Variants in NCKAP5 observed in about 807,000 individuals in gnomAD.
NCKAP5 encodes nck-associated protein 5.
NCKAP5 carries 92 observed loss-of-function variants against 167.0 expected under a neutral mutation model. The observed-to-expected ratio is 0.55, with a 90% CI of 0.47 to 0.66. NCKAP5 has a LOEUF of 0.66. Ranked by LOEUF, NCKAP5 falls within the 30% of genes least tolerant of loss-of-function variation. The pLI, the probability that NCKAP5 is intolerant of heterozygous loss-of-function variation, is 0.00. For synonymous variants in NCKAP5, 891 were observed against 877.4 expected, an observed-to-expected ratio of 1.02 and a Z score of -0.27; for missense variants, 2,378 against 2,315.0, an observed-to-expected ratio of 1.03 and a Z score of -0.56.
chr2:133,525,866 G>A (rs559466013), intron 2 of NCKAP5, among the ~76,000 whole-genome samples: 1 of 151,966 alleles, frequency 6.6e-6, no homozygotes, highest in Non-Finnish European at 1.5e-5. Flanking sequence ...TTCTCCAACT[G>A]CCACTTACAA....
intron 5 of NCKAP5, among the ~76,000 whole-genome samples, chr2:133,189,478 C>T (rs1559244424): frequency 6.6e-6 from 1 of 151,838 alleles, no homozygotes; most frequent in Non-Finnish European, 1.5e-5. Flanking sequence ...AGAGACACAA[C>T]AAAAAAAGAG....
chr2:132,943,125 G>A (rs533596571), intron 8 of NCKAP5, among the ~76,000 whole-genome samples: 4 of 152,324 alleles, frequency 2.6e-5, no homozygotes, highest in African/African-American at 9.6e-5. Context: ...GTTTTACAAT[G>A]TTAAAGCACA....
intron 3 of NCKAP5, among the ~76,000 whole-genome samples, chr2:133,328,722 A>G (rs1311717645): frequency 6.6e-6 from 1 of 152,170 alleles, no homozygotes; most frequent in East Asian, 1.9e-4. Context: ...ACTGATGAAA[A>G]ATATATATAA....
At chr2:133,495,999 AT>A (rs1005238494) in intron 3 of NCKAP5, among the ~76,000 whole-genome samples, 2 of 152,148 alleles carry the variant, frequency 1.3e-5, no homozygotes, top group Admixed American at 1.3e-4. Context: ...AAGGTTATAA[AT>A]TTTTTTAAAC....
intron 3 of NCKAP5, among the ~76,000 whole-genome samples, chr2:133,379,441 G>C (rs984790586): frequency 6.6e-6 from 1 of 152,118 alleles, no homozygotes; most frequent in Non-Finnish European, 1.5e-5. Flanking sequence ...GGATAGTGAC[G>C]ATCTCATCAT....
chr2:133,138,044 G>A (rs35986779), intron 5 of NCKAP5, among the ~76,000 whole-genome samples: 19,828 of 152,044 alleles, frequency 0.13, 1,547 homozygotes, highest in East Asian at 0.4. Flanking sequence ...GGGAAGGGGT[G>A]TCTGTAATGA....
At chr2:132,788,319 C>A (rs751885938) in intron 13 of NCKAP5, among the ~76,000 whole-genome samples, 2 of 151,500 alleles carry the variant, frequency 1.3e-5, no homozygotes, top group Non-Finnish European at 2.9e-5. Context: ...CTTGACTGGA[C>A]AAGAATCTTA....
At chr2:132,873,809 T>C (rs1691032762) in intron 9 of NCKAP5, among the ~76,000 whole-genome samples, 1 of 152,226 alleles carries the variant, frequency 6.6e-6, no homozygotes, top group Non-Finnish European at 1.5e-5. Flanking sequence ...CTGAAGAAAT[T>C]AGTGTAAATA....
chr2:133,107,286 C>A (rs894760830), intron 6 of NCKAP5, among the ~76,000 whole-genome samples: 1 of 152,160 alleles, frequency 6.6e-6, no homozygotes, highest in African/African-American at 2.4e-5. Context: ...GTCTGTGGGT[C>A]ATGACTGTGG....
chr2:132,798,447 C>T (rs1684776408), intron 11 of NCKAP5, among the ~76,000 whole-genome samples: 1 of 152,136 alleles, frequency 6.6e-6, no homozygotes, highest in African/African-American at 2.4e-5. Flanking sequence ...AATATGCAAA[C>T]AGGACAAGAA....
intron 4 of NCKAP5, among the ~76,000 whole-genome samples, chr2:133,234,074 A>G (rs2087281766): frequency 6.6e-6 from 1 of 152,198 alleles, no homozygotes; most frequent in Admixed American, 6.5e-5. Context: ...AGCACTCCTC[A>G]TGAGAGCTTA....
chr2:133,078,724 C>T (rs2080700364), intron 6 of NCKAP5, among the ~76,000 whole-genome samples: 1 of 152,126 alleles, frequency 6.6e-6, no homozygotes, highest in Non-Finnish European at 1.5e-5. Context: ...TTCCCTTAAA[C>T]AGTCTTTTAG....
At chr2:132,706,924 C>A (rs563848368) in intron 19 of NCKAP5, among the ~76,000 whole-genome samples, 123 of 152,210 alleles carry the variant, frequency 8.1e-4, no homozygotes, top group African/African-American at 2.8e-3. Flanking sequence ...GAGAGTGACT[C>A]CGGCCTAAAA....
chr2:132,993,803 G>A (rs1180900828), intron 7 of NCKAP5, among the ~76,000 whole-genome samples: 1 of 152,164 alleles, frequency 6.6e-6, no homozygotes, highest in African/African-American at 2.4e-5. Context: ...CCTCAGCCAA[G>A]ATGAGGCATT....
chr2:133,372,497 C>A (rs924534992), intron 3 of NCKAP5, among the ~76,000 whole-genome samples: 2 of 152,134 alleles, frequency 1.3e-5, no homozygotes, highest in African/African-American at 4.8e-5. Context: ...TCCCATGTTT[C>A]TTTTTCCTTT....
chr2:132,891,066 C>G (rs760847464), intron 8 of NCKAP5, among the ~76,000 whole-genome samples: 4 of 152,092 alleles, frequency 2.6e-5, no homozygotes, highest in Non-Finnish European at 5.9e-5. Flanking sequence ...GGAGCTACGC[C>G]GTGAGAAGAT....
At chr2:133,255,037 G>A (rs2088546458) in intron 4 of NCKAP5, among the ~76,000 whole-genome samples, 1 of 151,908 alleles carries the variant, frequency 6.6e-6, no homozygotes, top group Non-Finnish European at 1.5e-5. Context: ...TGAAAAAAAA[G>A]TTTTCTTTTA....
intron 16 of NCKAP5, among the ~76,000 whole-genome samples, chr2:132,736,685 G>A (rs1691553327): frequency 6.6e-6 from 1 of 152,156 alleles, no homozygotes. Context: ...TACTTGGGAG[G>A]CTGAGGCAGG....
chr2:133,212,796 C>T (rs1041417832), intron 5 of NCKAP5, among the ~76,000 whole-genome samples: 3 of 152,196 alleles, frequency 2.0e-5, no homozygotes, highest in Admixed American at 6.5e-5. Flanking sequence ...CTTCCAGACC[C>T]CACTCAACAT....
Sources: allele counts gnomAD v4.1 joint callset (sites outside exome capture counted in the v4.1 genomes callset), GRCh38; gene constraint gnomAD v4.1.1; transcripts MANE v1.5; gene names NCBI Gene and HGNC (gene_info 2026-07-23, HGNC 2026-07-21).